TENM4: variants seen among roughly 807,000 people sequenced by gnomAD.
TENM4 encodes teneurin-4.
In TENM4, 82 loss-of-function variants were observed where a neutral mutation model predicts 243.3. The observed-to-expected ratio is 0.34, with a 90% CI of 0.28 to 0.40. The LOEUF is 0.40. Ranked by LOEUF, TENM4 falls within the 10% of genes least tolerant of loss-of-function variation. TENM4 has a pLI of 1.00. For missense variants in TENM4, 3,138 were observed against 3,673.3 expected, an observed-to-expected ratio of 0.85 and a Z score of 3.77; for synonymous variants, 1,412 against 1,456.3, an observed-to-expected ratio of 0.97 and a Z score of 0.69.
intron 10 of TENM4, among the ~76,000 whole-genome samples, chr11:78,862,240 C>A (rs1451504808): frequency 6.6e-6 from 1 of 152,088 alleles, no homozygotes; most frequent in Non-Finnish European, 1.5e-5. Flanking sequence ...GGCTCATATC[C>A]CAGACTCTAC....
At chr11:79,024,080 C>T (rs1439377504) in intron 6 of TENM4, among the ~76,000 whole-genome samples, 9 of 151,694 alleles carry the variant, frequency 5.9e-5, no homozygotes, top group African/African-American at 1.9e-4. Flanking sequence ...CTTAGAGTTG[C>T]CATAAATAGA....
At chr11:79,184,259 G>C (rs941851497) in intron 3 of TENM4, among the ~76,000 whole-genome samples, 2 of 152,156 alleles carry the variant, frequency 1.3e-5, no homozygotes, top group Non-Finnish European at 2.9e-5. Flanking sequence ...CTGGTTTCAT[G>C]GAAGACAATC....
intron 1 of TENM4, among the ~76,000 whole-genome samples, chr11:79,406,814 T>C (rs1358432898): frequency 6.6e-6 from 1 of 152,194 alleles, no homozygotes; most frequent in African/African-American, 2.4e-5. Context: ...CAGCAGAGTA[T>C]ACAGGGAGAG....
At chr11:79,367,974 A>G (rs1273700592) in intron 1 of TENM4, among the ~76,000 whole-genome samples, 2 of 152,220 alleles carry the variant, frequency 1.3e-5, no homozygotes, top group Non-Finnish European at 2.9e-5. Context: ...AAATCTGACT[A>G]AAGCAGGTGG....
In TENM4 at chr11:78,669,933, C is replaced by T; in HGVS notation, c.6412G>A (p.Val2138Ile). Residue 2138 changes from valine (V) to isoleucine (I), a missense_variant, in exon 32 of 34, where the codon GTC becomes ATC. By Grantham distance (29) the Val-to-Ile change is conservative. Transcript: ENST00000278550. The surrounding 1 kb of genome is among the most constrained non-coding windows in gnomAD (Gnocchi z 6.4). ...YDINQIITTA[V>I]MTHTKHFDAY... ...TCAAAATGCTTGGTGTGGGTCATGA[C>T]AGCTGTGGTGATGATCTGGTTAATG... The T allele has an allele frequency of 1.2e-6, 2 of 1,613,808 alleles. No homozygotes were observed. The highest frequency in any genetic ancestry group is 1.7e-6 in the Non-Finnish European group (2 of 1,179,842).
chr11:78,976,013 T>G (rs1218656705), intron 6 of TENM4, among the ~76,000 whole-genome samples: 1 of 152,216 alleles, frequency 6.6e-6, no homozygotes, highest in African/African-American at 2.4e-5. Context: ...GTGCTGAATC[T>G]TGGTCTGCTG....
intron 6 of TENM4, among the ~76,000 whole-genome samples, chr11:79,000,266 G>A (rs903947910): frequency 2.6e-5 from 4 of 151,916 alleles, no homozygotes; most frequent in African/African-American, 9.7e-5. Flanking sequence ...AAGCTGAAAG[G>A]GAATAATATT....
chr11:79,182,241 A>G (rs892278860), intron 3 of TENM4, among the ~76,000 whole-genome samples: 1 of 152,216 alleles, frequency 6.6e-6, no homozygotes, highest in Non-Finnish European at 1.5e-5. Context: ...AAAAGCAAAC[A>G]TAAATACATC....
At chr11:79,064,654 G>C in intron 6 of TENM4, 84 bp downstream of exon 6, 1 of 1,503,054 alleles carries the variant, frequency 6.7e-7, no homozygotes, top group Non-Finnish European at 9.0e-7. Flanking sequence ...CAGAGCCCCG[G>C]CAGTGGAGCA....
At chr11:79,120,161 G>A (rs1052737487) in intron 4 of TENM4, among the ~76,000 whole-genome samples, 2 of 152,216 alleles carry the variant, frequency 1.3e-5, no homozygotes, top group African/African-American at 2.4e-5. Context: ...TATTGTCAAC[G>A]CAGGACAGCT....
chr11:78,862,861 G>A (rs962686972), intron 10 of TENM4, 101 bp downstream of exon 10: 5 of 1,209,716 alleles, frequency 4.1e-6, no homozygotes, highest in South Asian at 5.9e-5. Flanking sequence ...CCAGAGCATG[G>A]AGCTGTGAGC....
chr11:78,990,315 T>A (rs894946127), intron 6 of TENM4, among the ~76,000 whole-genome samples: 1 of 152,168 alleles, frequency 6.6e-6, no homozygotes, highest in African/African-American at 2.4e-5. Flanking sequence ...CAGTCTCTTC[T>A]GCTCAGCTTG....
rs183316973 is a variant in TENM4, at chr11:79,166,678, C to A, written c.-162-17872G>T. Among the ~76,000 whole-genome samples, 42 of 152,326 alleles carry A rather than the reference C, an allele frequency of 2.8e-4. 1 individual carries two copies. The East Asian group carries it at 7.9e-3, about 29-fold the overall frequency. On this transcript the variant is annotated intron_variant, in intron 3 of 33. Transcript: ENST00000278550. The stretch of plus-strand genomic sequence containing the variant: ...TACTAATAAGTGGCAGAAGTGGGAA[C>A]TGCATTCAGTCGGTCTAGCTCAATT...
chr11:79,388,230 T>C (rs948511865), intron 1 of TENM4, among the ~76,000 whole-genome samples: 4 of 152,246 alleles, frequency 2.6e-5, no homozygotes, highest in Admixed American at 6.5e-5. Flanking sequence ...ACAGTGACAG[T>C]GGGGACTGCA....
Position 78,671,062 on chromosome 11 carries a change from A to C in TENM4, c.5794-511T>G, listed in dbSNP as rs75977455. Among the ~76,000 whole-genome samples the C allele has an allele frequency of 9.4e-3, 1,433 of 152,312 alleles. 21 individuals carry two copies. The highest frequency in any genetic ancestry group is 0.032 in the African/African-American group (1,321 of 41,564). ...AGTCTCACAATTTCTTTTACCTGCT[A>C]AACAGTTTCCGCTGACTCCCTGTGG... On this transcript the variant is annotated intron_variant, in intron 31 of 33. Coordinates refer to ENST00000278550, the MANE Select transcript of TENM4 (RefSeq NM_001098816.3).
intron 4 of TENM4, among the ~76,000 whole-genome samples, chr11:79,109,325 G>T (rs970191899): frequency 8.5e-5 from 13 of 152,168 alleles, no homozygotes; most frequent in African/African-American, 3.1e-4. Context: ...GGTGTGACAA[G>T]GCCTGATAGC....
intron 2 of TENM4, among the ~76,000 whole-genome samples, chr11:79,254,513 G>C (rs1331741220): frequency 1.3e-5 from 2 of 152,128 alleles, no homozygotes; most frequent in Non-Finnish European, 2.9e-5. Flanking sequence ...GGCAGCTAAG[G>C]AGCTAAGACA....
intron 19 of TENM4, among the ~76,000 whole-genome samples, chr11:78,741,033 G>T (rs1224496410): frequency 6.6e-6 from 1 of 152,214 alleles, no homozygotes; most frequent in Non-Finnish European, 1.5e-5. Flanking sequence ...TTTGGCTCAG[G>T]AATTAAATCC....
At chr11:79,218,230 G>GCCCCC (rs765365245) in intron 2 of TENM4, among the ~76,000 whole-genome samples, 16 of 50,684 alleles carry the variant, frequency 3.2e-4, no homozygotes, top group Admixed American at 5.3e-4. Context: ...TTTACCCCCT[G>GCCCCC]CCCACCCACC....
Sources: gnomAD v4.1 joint callset for allele counts (sites outside exome capture counted in the v4.1 genomes callset) on GRCh38, gnomAD v4.1.1 for gene constraint, Gnocchi (gnomAD v3.1) non-coding constraint, MANE v1.5 for transcripts, NCBI Gene and HGNC (gene_info 2026-07-23, HGNC 2026-07-21) for gene names.